Variants in CELA3B observed in about 807,000 individuals in gnomAD.
The protein encoded by CELA3B is chymotrypsin-like elastase family member 3B.
CELA3B carries 34 observed loss-of-function variants against 37.2 expected under a neutral mutation model. The observed-to-expected ratio is 0.91, with a 90% CI of 0.70 to 1.22. The LOEUF (loss-of-function observed/expected upper bound fraction) is 1.22, where lower values mean the gene tolerates loss of function less well. Ranked by LOEUF, CELA3B falls within the 50% of genes most tolerant of loss-of-function variation. CELA3B has a pLI of 0.00. For synonymous variants in CELA3B, 127 were observed against 143.5 expected, an observed-to-expected ratio of 0.89 and a Z score of 0.82; for missense variants, 340 against 363.1, an observed-to-expected ratio of 0.94 and a Z score of 0.52.
chr1:21,983,225 T>C (rs1428651803), intron 4 of CELA3B, among the ~76,000 whole-genome samples: 1 of 152,042 alleles, frequency 6.6e-6, no homozygotes, highest in Non-Finnish European at 1.5e-5. Flanking sequence ...CGTGGTGGCA[T>C]GTACCTGTAA....
Position 21,984,230 on chromosome 1 carries a change from C to T in CELA3B, c.541C>T (p.Pro181Ser). 1 of 1,614,130 alleles carries T rather than the reference C, an allele frequency of 6.2e-7. No individual in the cohort carries two copies. Among genetic ancestry groups the T allele is most frequent in the Non-Finnish European group, 8.5e-7 (1 of 1,180,002 alleles). The change falls in exon 6 of 8, where the codon CCG (proline) becomes TCG (serine). Residue 181 changes from proline to serine, a missense_variant. By Grantham distance (74) the Pro-to-Ser change is moderately conservative (BLOSUM62 -1). Transcript: ENST00000337107. ...LPDKLQEALL[P>S]VVDYEHCSRW... ...AGACAAGCTGCAGGAGGCCCTGCTG[C>T]CGGTGGTGGACTATGAACACTGCTC...
chr1:21,994,916 C>T (rs1451116300), intron 4 of CELA3B, among the ~76,000 whole-genome samples: 5 of 144,402 alleles, frequency 3.5e-5, no homozygotes, highest in South Asian at 2.2e-4. Flanking sequence ...GTGGGAGGAT[C>T]GCCTGAGTCA....
In CELA3B at chr1:21,981,081, G is replaced by T. The variant is rs765486887; in HGVS notation, c.271G>T (p.Ala91Ser). The change falls in exon 4 of 8, where the codon GCT becomes TCT. Residue 91 changes from alanine (A) to serine (S), a missense_variant. Ala to Ser is a moderately conservative substitution (Grantham distance 99). Transcript: ENST00000337107. ...YQVVLGEYDR[A>S]VKEGPEQVIP... ...GGTGGTGTTGGGCGAGTACGACCGT[G>T]CTGTGAAGGAGGGCCCCGAGCAGGT... The T allele has an allele frequency of 6.2e-7, 1 of 1,613,952 alleles. No individual in the cohort carries two copies. The highest frequency in any genetic ancestry group is 8.5e-7 in the Non-Finnish European group (1 of 1,180,022).
chr1:21,997,098 G>T (rs958178649), intron 4 of CELA3B, among the ~76,000 whole-genome samples: 2 of 151,282 alleles, frequency 1.3e-5, no homozygotes, highest in Non-Finnish European at 2.9e-5. Context: ...GGTGGCTCAC[G>T]CCTGTAATCC....
downstream of CELA3B, among the ~76,000 whole-genome samples, chr1:21,990,004 G>A (rs1379134195): frequency 6.6e-5 from 10 of 151,036 alleles, no homozygotes; most frequent in Non-Finnish European, 1.2e-4. Context: ...AAATCATGGT[G>A]GAAGATGAAG....
chr1:21,992,975 A>AG (rs1318391613), downstream of CELA3B, among the ~76,000 whole-genome samples: 7 of 150,680 alleles, frequency 4.6e-5, no homozygotes, highest in Non-Finnish European at 8.8e-5. Flanking sequence ...CTCCAAAAAA[A>AG]AAAAAAAGAA....
chr1:21,998,040 A>G (rs1569859022), intron 4 of CELA3B: 5 of 417,144 alleles, frequency 1.2e-5, no homozygotes. Context: ...TAACACAAAC[A>G]AAAGTTATGC....
chr1:21,981,764 C>T (rs191031749), intron 4 of CELA3B, among the ~76,000 whole-genome samples: 101 of 150,862 alleles, frequency 6.7e-4, no homozygotes, highest in African/African-American at 2.3e-3. Context: ...CTCGCTCTGT[C>T]GCCCAGGCTG....
intron 2 of CELA3B, 120 bp downstream of exon 2, chr1:21,978,574 G>C: frequency 8.0e-7 from 1 of 1,245,526 alleles, no homozygotes; most frequent in Non-Finnish European, 1.2e-6. Flanking sequence ...AGCTTCCAAA[G>C]ACCAGGCAGC....
chr1:21,983,538 C>CACT (rs1169390240), intron 4 of CELA3B, among the ~76,000 whole-genome samples, 156 bp from the exon 5 acceptor site: 3 of 77,970 alleles, frequency 3.8e-5, no homozygotes, highest in Non-Finnish European at 7.7e-5. Flanking sequence ...GACTCTGTCT[C>CACT]AATAATAATA....
chr1:21,995,414 A>C (rs949782352), intron 4 of CELA3B, among the ~76,000 whole-genome samples: 2 of 151,116 alleles, frequency 1.3e-5, no homozygotes, highest in Non-Finnish European at 2.9e-5. Flanking sequence ...CTAGGATTAC[A>C]GGCATGAGAC....
chr1:21,996,446 T>C (rs1249695063), intron 4 of CELA3B, among the ~76,000 whole-genome samples: 2 of 151,104 alleles, frequency 1.3e-5, no homozygotes, highest in East Asian at 3.9e-4. Flanking sequence ...ACAAATGCCA[T>C]GGCAACGTCA....
chr1:21,980,562 T>C (rs1644798051), intron 2 of CELA3B, among the ~76,000 whole-genome samples: 1 of 144,036 alleles, frequency 6.9e-6, no homozygotes, highest in South Asian at 2.4e-4. Flanking sequence ...AGGTAGAGAA[T>C]GTTGGGGTCC....
intron 4 of CELA3B, among the ~76,000 whole-genome samples, chr1:21,996,411 A>T (rs973675411): frequency 4.6e-5 from 7 of 150,922 alleles, no homozygotes; most frequent in South Asian, 2.1e-4. Flanking sequence ...TGACTGCTAC[A>T]CTCCCACCAG....
chr1:21,994,692 T>C (rs1438060527), intron 4 of CELA3B, among the ~76,000 whole-genome samples: 5 of 151,002 alleles, frequency 3.3e-5, no homozygotes. Context: ...AGTGAAGTCC[T>C]GTGAGACTGT....
intron 4 of CELA3B, among the ~76,000 whole-genome samples, chr1:21,997,274 T>G (rs1220845849): frequency 6.8e-6 from 1 of 147,044 alleles, no homozygotes; most frequent in East Asian, 2.0e-4. Flanking sequence ...GGCAGGAGAA[T>G]TGCTTTAACC....
At chr1:21,993,567 C>T (rs552883727), downstream of CELA3B, among the ~76,000 whole-genome samples, 79 of 150,640 alleles carry the variant, frequency 5.2e-4, 1 homozygote, top group South Asian at 2.9e-3. Flanking sequence ...TTTTTTTCTA[C>T]GCAGTCTCGC....
intron 4 of CELA3B, among the ~76,000 whole-genome samples, chr1:21,995,150 T>C (rs12404203): frequency 1.3e-4 from 8 of 60,424 alleles, no homozygotes; most frequent in East Asian, 8.2e-4. Flanking sequence ...CTTTCTTTTT[T>C]TTTTTTTTTT....
At chr1:21,983,400 G>T (rs575921142) in intron 4 of CELA3B, among the ~76,000 whole-genome samples, 2 of 151,952 alleles carry the variant, frequency 1.3e-5, no homozygotes, top group African/African-American at 4.8e-5. Flanking sequence ...AACGATTTGG[G>T]CCAGGTGTAG....
Sources: allele counts gnomAD v4.1 joint callset (sites outside exome capture counted in the v4.1 genomes callset), GRCh38; gene constraint gnomAD v4.1.1; transcripts MANE v1.5; gene names NCBI Gene and HGNC (gene_info 2026-07-23, HGNC 2026-07-21).